Variants in LARGE1 observed in about 807,000 individuals in gnomAD.
LARGE1 encodes the protein xylosyl- and glucuronyltransferase LARGE1.
In LARGE1, 43 loss-of-function variants were observed where a neutral mutation model predicts 87.6. The ratio of observed to expected loss-of-function variants is 0.49; its 90% confidence interval spans 0.38 to 0.63. LARGE1 has a LOEUF of 0.63. LARGE1 is among the 30% of genes least tolerant of loss of function. The pLI is 0.00. For missense variants in LARGE1, 802 were observed against 1,000.2 expected (o/e 0.80, Z 2.67); for synonymous variants, 434 against 394.6 (o/e 1.10, Z -1.18).
At chr22:33,455,953 C>T (rs983256499) in intron 6 of LARGE1, among the ~76,000 whole-genome samples, 9 of 152,110 alleles carry the variant, frequency 5.9e-5, no homozygotes, top group Non-Finnish European at 1.0e-4. Context: ...AATTGGTGGA[C>T]CCTCACTCAG....
chr22:33,364,456 C>T (rs946035037), intron 9 of LARGE1, among the ~76,000 whole-genome samples: 10 of 152,110 alleles, frequency 6.6e-5, no homozygotes, highest in Admixed American at 3.9e-4. Context: ...TATGTTCTTC[C>T]CTTGGGAGTA....
At chr22:33,651,860 A>C (rs2080828231) in intron 2 of LARGE1, among the ~76,000 whole-genome samples, 1 of 152,218 alleles carries the variant, frequency 6.6e-6, no homozygotes, top group Non-Finnish European at 1.5e-5. Context: ...CCATGTAACA[A>C]TCATACAACC....
rs367593602 is a variant in LARGE1 at position 33,765,571 on chromosome 22, G to C, written c.-82-4013C>G. On this transcript the variant is annotated intron_variant, in intron 1 of 14. Coordinates refer to ENST00000397394, the MANE Select transcript of LARGE1 (RefSeq NM_133642.5). ...ATACAAAAAATTAGCTGGGCATGGT[G>C]GTGGGCGCCTGTAATCCCAGCTACT... Among the ~76,000 whole-genome samples the C allele has an allele frequency of 5.9e-5, 9 of 152,064 alleles. No individual in the cohort carries two copies. The East Asian group carries it at 1.5e-3, about 26-fold the overall frequency.
At chr22:33,824,025 C>G (rs1473249139) in intron 1 of LARGE1, among the ~76,000 whole-genome samples, 1 of 152,196 alleles carries the variant, frequency 6.6e-6, no homozygotes, top group African/African-American at 2.4e-5. Flanking sequence ...ATTATCCCAT[C>G]ACATCCTTAG....
intron 6 of LARGE1, among the ~76,000 whole-genome samples, chr22:33,434,433 T>C (rs2067191666): frequency 6.6e-6 from 1 of 152,194 alleles, no homozygotes; most frequent in South Asian, 2.1e-4. Context: ...CCCGAGTAGC[T>C]GGGACTACAG....
intron 1 of LARGE1, among the ~76,000 whole-genome samples, chr22:33,812,103 G>C (rs2086514976): frequency 6.6e-6 from 1 of 152,168 alleles, no homozygotes; most frequent in Non-Finnish European, 1.5e-5. Flanking sequence ...TTCAACCCAG[G>C]TGGCAAATGC....
chr22:33,185,608 C>T (rs1602060713), intron 11 of LARGE1, among the ~76,000 whole-genome samples: 2 of 152,138 alleles, frequency 1.3e-5, no homozygotes, highest in Non-Finnish European at 2.9e-5. Flanking sequence ...AAATGTACCA[C>T]CGTGGCATGA....
At chr22:33,629,078 A>C (rs1314905552) in intron 3 of LARGE1, among the ~76,000 whole-genome samples, 1 of 152,150 alleles carries the variant, frequency 6.6e-6, no homozygotes, top group East Asian at 1.9e-4. Flanking sequence ...TTTTCAGGCT[A>C]ATTTATGCAT....
chr22:33,556,560 G>C (rs56017110), intron 6 of LARGE1, among the ~76,000 whole-genome samples: 10 of 76,876 alleles, frequency 1.3e-4, no homozygotes, highest in East Asian at 1.0e-3. Context: ...GGGAGGGAGG[G>C]AGGGAGGCAG....
chr22:33,118,516 A>G, the LARGE1 span, among the ~76,000 whole-genome samples: 6 of 149,622 alleles, frequency 4.0e-5, no homozygotes, highest in East Asian at 2.0e-4. Context: ...AAAAAAAAAA[A>G]AAAAGAAAAG....
chr22:33,477,756 A>G (rs951151163), intron 6 of LARGE1, among the ~76,000 whole-genome samples: 11 of 152,194 alleles, frequency 7.2e-5, no homozygotes, highest in Admixed American at 7.2e-4. Flanking sequence ...TCGGTAACAG[A>G]TGGAGAATTA....
chr22:33,525,546 A>G (rs2071845633), intron 6 of LARGE1, among the ~76,000 whole-genome samples: 1 of 152,208 alleles, frequency 6.6e-6, no homozygotes, highest in African/African-American at 2.4e-5. Flanking sequence ...CAGGTCCCAG[A>G]TATGAAAATG....
chr22:33,870,100 T>G (rs1405798584), intron 1 of LARGE1, among the ~76,000 whole-genome samples: 1 of 152,106 alleles, frequency 6.6e-6, no homozygotes, highest in Non-Finnish European at 1.5e-5. Context: ...TGGAGAAGGG[T>G]GGGCCCTTAA....
intron 2 of LARGE1, among the ~76,000 whole-genome samples, chr22:33,714,032 A>G (rs1259733577): frequency 6.6e-6 from 1 of 151,668 alleles, no homozygotes; most frequent in Non-Finnish European, 1.5e-5. Flanking sequence ...ATAACATAAC[A>G]TAAAACAAAA....
intron 2 of LARGE1, among the ~76,000 whole-genome samples, chr22:33,700,682 G>T (rs76965998): frequency 2.6e-5 from 4 of 152,154 alleles, no homozygotes; most frequent in Non-Finnish European, 5.9e-5. Flanking sequence ...GCCTGGAGGC[G>T]GTGTCTGAGC....
intron 6 of LARGE1, among the ~76,000 whole-genome samples, chr22:33,482,071 TAACTGA>T (rs759858139): frequency 2.6e-5 from 4 of 152,196 alleles, no homozygotes; most frequent in Non-Finnish European, 4.4e-5. Flanking sequence ...CTCTTAAATC[TAACTGA>T]AAGCACTTCT....
chr22:33,297,427 G>A (rs1377040179), intron 12 of LARGE1, among the ~76,000 whole-genome samples: 1 of 151,880 alleles, frequency 6.6e-6, no homozygotes, highest in Non-Finnish European at 1.5e-5. Context: ...TGGCCAACAC[G>A]GCAAAACTCC....
chr22:33,594,898 T>C (rs2078937704), intron 5 of LARGE1, among the ~76,000 whole-genome samples: 1 of 152,172 alleles, frequency 6.6e-6, no homozygotes, highest in African/African-American at 2.4e-5. Context: ...TGAGCCACCA[T>C]ACCCCGCTGA....
Position 33,696,782 on chromosome 22 carries a change from T to C in LARGE1, c.107-46114A>G, listed in dbSNP as rs573386028. On this transcript the variant is annotated intron_variant, in intron 2 of 14. Transcript: ENST00000397394. ...CATTTTTTAGAATTCCATTGTAATT[T>C]ACCTATGGTGGTTTTTAATGCATCT... 6.2e-4 allele frequency among the ~76,000 whole-genome samples: 95 copies of C among 152,314 alleles called. 1 individual carries two copies. The highest frequency in any genetic ancestry group is 8.8e-4 in the Non-Finnish European group (60 of 68,030).
Sources: allele counts gnomAD v4.1 joint callset (sites outside exome capture counted in the v4.1 genomes callset), GRCh38; gene constraint gnomAD v4.1.1; transcripts MANE v1.5; gene names NCBI Gene and HGNC (gene_info 2026-07-23, HGNC 2026-07-21).